Variants in DDX47 observed in about 807,000 individuals in gnomAD.
DDX47 encodes DEAD-box helicase 47.
Under a neutral mutation model 58.8 loss-of-function variants are expected in DDX47, and 60 were observed. That is an observed-to-expected ratio of 1.02 (90% CI 0.83 to 1.26). The LOEUF is 1.26. Ranked by LOEUF, DDX47 falls within the 50% of genes most tolerant of loss-of-function variation. The pLI, the probability that DDX47 is intolerant of heterozygous loss-of-function variation, is 0.00. For missense variants in DDX47, 530 were observed against 573.2 expected, an observed-to-expected ratio of 0.92 and a Z score of 0.77; for synonymous variants, 197 against 204.6, an observed-to-expected ratio of 0.96 and a Z score of 0.32.
intron 2 of DDX47, among the ~76,000 whole-genome samples, chr12:12,819,504 A>G (rs1862939834): frequency 6.6e-6 from 1 of 152,114 alleles, no homozygotes; most frequent in African/African-American, 2.4e-5. Flanking sequence ...TAGGATACTC[A>G]TGGCTCCCAT....
Position 12,822,026 on chromosome 12 carries a change from C to CAAAT in DDX47, c.506_509dup (p.Tyr170Ter). On this transcript the variant is annotated frameshift_variant, in exon 5 of 12. Coordinates refer to ENST00000358007, the MANE Select transcript of DDX47 (RefSeq NM_016355.4). LOFTEE classifies it high-confidence loss of function. Reference sequence around the variant, plus strand: ...CGAAAGGTTTCAACTTGAGAGCTCTCAAATACTTGGTCATGGATGAAGCCG... The same window carrying CAAAT: ...CGAAAGGTTTCAACTTGAGAGCTCTCAAATAAATACTTGGTCATGGATGAAGCCG... 1 of 1,613,982 alleles carries CAAAT rather than the reference C, an allele frequency of 6.2e-7. No homozygotes were observed. Among genetic ancestry groups the CAAAT allele is most frequent in the Non-Finnish European group, 8.5e-7 (1 of 1,179,988 alleles).
intron 3 of DDX47, 107 bp from the exon 4 acceptor site, chr12:12,821,548 A>C (rs992442910): frequency 8.5e-5 from 121 of 1,421,820 alleles, no homozygotes; most frequent in Non-Finnish European, 1.2e-4. Flanking sequence ...ATTAATTGTA[A>C]GGGAAGAACA....
At chr12:12,828,359 G>A (rs1863086157) in intron 11 of DDX47, among the ~76,000 whole-genome samples, 1 of 152,084 alleles carries the variant, frequency 6.6e-6, no homozygotes, top group Non-Finnish European at 1.5e-5. Flanking sequence ...TGAAACAAGT[G>A]AATTTTGTGT....
chr12:12,821,173 A>G (rs1467353997), intron 2 of DDX47, 35 bp from the exon 3 acceptor site: 1 of 1,604,952 alleles, frequency 6.2e-7, no homozygotes, highest in South Asian at 1.1e-5. Context: ...TAGCGCAAAG[A>G]GATTACTTGG....
At chr12:12,817,412 C>G (rs751416764) in intron 2 of DDX47, among the ~76,000 whole-genome samples, 2 of 152,120 alleles carry the variant, frequency 1.3e-5, no homozygotes, top group Non-Finnish European at 2.9e-5. Flanking sequence ...TTGTTACTAT[C>G]AAGAGATCAA....
chr12:12,816,450 T>C (rs1862899066), intron 2 of DDX47, among the ~76,000 whole-genome samples: 1 of 152,162 alleles, frequency 6.6e-6, no homozygotes, highest in South Asian at 2.1e-4. Context: ...AACTTTGCAT[T>C]GTATACCATA....
intron 2 of DDX47, among the ~76,000 whole-genome samples, chr12:12,818,439 T>A (rs1862927315): frequency 6.6e-6 from 1 of 151,786 alleles, no homozygotes; most frequent in African/African-American, 2.4e-5. Context: ...GGGAATGGCA[T>A]GAACCCAGGA....
At position 12,815,446 on chromosome 12, in the gene DDX47, A is replaced by G. The variant is rs151119563; in HGVS notation, c.181+1222A>G. Among the ~76,000 whole-genome samples, 962 of 152,328 alleles carry G rather than the reference A, an allele frequency of 6.3e-3. 6 individuals carry two copies. The highest frequency in any genetic ancestry group is 9.8e-3 in the Non-Finnish European group (668 of 68,032). Reference sequence around the variant, plus strand: ...TCTATAATCTATTAAAGAGATAATTATAAATTTATTACAAGTTGAACAGGG... The same window carrying G: ...TCTATAATCTATTAAAGAGATAATTGTAAATTTATTACAAGTTGAACAGGG... On this transcript the variant is annotated intron_variant, in intron 2 of 11. Coordinates refer to ENST00000358007, the MANE Select transcript of DDX47 (RefSeq NM_016355.4).
rs1862880029 is a variant in DDX47, at chr12:12,815,330, T to C, written c.181+1106T>C. On this transcript the variant is annotated intron_variant, in intron 2 of 11. Coordinates refer to ENST00000358007, the MANE Select transcript of DDX47 (RefSeq NM_016355.4). ...CATGTGGAAAAGGGGTTAGACTTAC[T>C]CTACAAAATTCCATTTGCTCTTTCC... 2.0e-5 allele frequency among the ~76,000 whole-genome samples: 3 copies of C among 152,372 alleles called. No individual in the cohort carries two copies. In the South Asian group the frequency reaches 6.2e-4, roughly 32 times the overall value.
chr12:12,815,056 G>A (rs910441436), intron 2 of DDX47, among the ~76,000 whole-genome samples: 5 of 152,162 alleles, frequency 3.3e-5, no homozygotes, highest in Admixed American at 6.5e-5. Flanking sequence ...CAGGATTAGG[G>A]TGGGTGATAA....
intron 10 of DDX47, 54 bp downstream of exon 10, chr12:12,826,124 A>G (rs2136425584): frequency 6.7e-7 from 1 of 1,497,750 alleles, no homozygotes; most frequent in East Asian, 2.3e-5. Context: ...CAGAACTTTC[A>G]AGCCACTGGC....
chr12:12,823,143 C>T, intron 6 of DDX47, 60 bp from the exon 7 acceptor site: 1 of 1,103,328 alleles, frequency 9.1e-7, no homozygotes, highest in Non-Finnish European at 1.4e-6. Context: ...AGAGCCAAAC[C>T]ATGTCATAAA....
chr12:12,829,408 C>CT lies in DDX47; in HGVS notation c.1237-8dup, dbSNP rs749245932. The CT allele has an allele frequency of 6.3e-6, 10 of 1,599,082 alleles. No homozygotes were observed. The highest frequency in any genetic ancestry group is 4.5e-5 in the South Asian group (4 of 87,950). ...TAATTCATTTTCAATCCCATCCTCT[C>CT]TTTTTTTCTTGCAGGAGTTAAGGGA... On this transcript the variant is annotated splice_polypyrimidine_tract_variant and intron_variant, in intron 11 of 11. Transcript: ENST00000358007.
intron 2 of DDX47, chr12:12,820,578 C>G (rs931633656): frequency 2.6e-5 from 4 of 153,204 alleles, no homozygotes; most frequent in African/African-American, 4.8e-5. Context: ...TCACCGCTGC[C>G]GCAACCTCCG....
intron 2 of DDX47, among the ~76,000 whole-genome samples, chr12:12,815,228 T>C (rs183820319): frequency 6.6e-6 from 1 of 152,360 alleles, no homozygotes; most frequent in East Asian, 1.9e-4. Context: ...ATGTAAGCTA[T>C]AATTATTACT....
chr12:12,823,423 G>A, intron 7 of DDX47, 104 bp downstream of exon 7: 1 of 760,480 alleles, frequency 1.3e-6, no homozygotes, highest in South Asian at 1.6e-5. Flanking sequence ...ATGCAGATTG[G>A]CATCCTGTCT....
At chr12:12,818,787 T>A (rs1429278437) in intron 2 of DDX47, among the ~76,000 whole-genome samples, 1 of 152,098 alleles carries the variant, frequency 6.6e-6, no homozygotes, top group African/African-American at 2.4e-5. Flanking sequence ...ACTTATTACG[T>A]GGTGGCGGCA....
intron 10 of DDX47, 52 bp downstream of exon 10, chr12:12,826,122 T>C (rs766636115): frequency 2.7e-6 from 4 of 1,494,032 alleles, no homozygotes; most frequent in Admixed American, 3.9e-5. Flanking sequence ...AGCAGAACTT[T>C]CAAGCCACTG....
At chr12:12,813,772 A>AC (rs1862850949) in intron 1 of DDX47, among the ~76,000 whole-genome samples, 1 of 152,214 alleles carries the variant, frequency 6.6e-6, no homozygotes, top group Admixed American at 6.5e-5. Context: ...AGATGAACCA[A>AC]CCAGATTTGA....
Sources: allele counts gnomAD v4.1 joint callset (sites outside exome capture counted in the v4.1 genomes callset), GRCh38; gene constraint gnomAD v4.1.1; transcripts MANE v1.5; gene names NCBI Gene and HGNC (gene_info 2026-07-23, HGNC 2026-07-21).